The following PSMB2 variants were observed in gnomAD, a reference collection of about 807,000 sequenced individuals.
PSMB2 encodes the protein proteasome subunit beta type-2.
Under a neutral mutation model 25.7 loss-of-function variants are expected in PSMB2, and 13 were observed. The ratio of observed to expected loss-of-function variants is 0.51; its 90% confidence interval spans 0.33 to 0.80. PSMB2 has a LOEUF of 0.80. PSMB2 is among the 30% of genes least tolerant of loss of function. The probability of loss-of-function intolerance (pLI) is 0.02; values close to 1 mark genes in which losing one functional copy is unlikely to be tolerated. For missense variants in PSMB2, 202 were observed against 259.0 expected (o/e 0.78, Z 1.51); for synonymous variants, 87 against 96.2 (o/e 0.90, Z 0.56).
chr1:35,617,657 G>A (rs1650536186), intron 3 of PSMB2, among the ~76,000 whole-genome samples: 1 of 152,162 alleles, frequency 6.6e-6, no homozygotes, highest in African/African-American at 2.4e-5. Context: ...GGTAGATGTG[G>A]ATAGGAAGGA....
At chr1:35,604,441 G>A (rs1420099395) in intron 5 of PSMB2, among the ~76,000 whole-genome samples, 1 of 152,182 alleles carries the variant, frequency 6.6e-6, no homozygotes, top group Non-Finnish European at 1.5e-5. Context: ...TAAGGGAGCA[G>A]GCAGTATGGC....
rs766488172 is a variant in PSMB2 at position 35,602,912 on chromosome 1, C to G, written c.*355G>C. The G allele has an allele frequency of 4.0e-6, 4 of 1,000,806 alleles. No individual in the cohort carries two copies. The highest frequency in any genetic ancestry group is 4.8e-6 in the Non-Finnish European group (4 of 838,098). 62.0% of individuals were successfully genotyped at this position (1,000,806 alleles called of 1,614,324 possible). On this transcript the variant is annotated 3_prime_UTR_variant, in exon 6 of 6. Transcript: ENST00000373237. ...ATTTAAGTTTAAGGGCAAAAAGAAC[C>G]ACTACTTTAGAGAGAATGGAGATAC...
intron 3 of PSMB2, among the ~76,000 whole-genome samples, chr1:35,615,641 G>C (rs1372615879): frequency 6.6e-6 from 1 of 152,236 alleles, no homozygotes; most frequent in African/African-American, 2.4e-5. Flanking sequence ...AAGGGGGAGA[G>C]AGGTGGGCGT....
intron 2 of PSMB2, among the ~76,000 whole-genome samples, chr1:35,636,055 T>C (rs1004877367): frequency 3.9e-5 from 6 of 152,170 alleles, no homozygotes; most frequent in African/African-American, 1.4e-4. Context: ...TCAACATGAC[T>C]GGTATTCTTA....
At chr1:35,617,394 AC>A (rs943280066) in intron 3 of PSMB2, among the ~76,000 whole-genome samples, 10 of 152,158 alleles carry the variant, frequency 6.6e-5, no homozygotes, top group African/African-American at 2.4e-4. Context: ...TTTTAAGGAA[AC>A]CCATGTGTAG....
In PSMB2 at chr1:35,602,505, CCTT is replaced by C. The variant is rs1650031261; in HGVS notation, c.*759_*761del. The C allele has an allele frequency of 6.6e-6, 1 of 152,058 alleles. No homozygotes were observed. The highest frequency in any genetic ancestry group is 1.5e-5 in the Non-Finnish European group (1 of 68,008). The allele number at this position is 152,058 out of a possible 1,614,324, so 9.4% of individuals were successfully genotyped here. A position where few individuals can be genotyped will look rare whatever the true frequency, so the allele number is the denominator to read the frequency against. ...TTATAGGGATGGAAGAAACATTTTT[CCTT>C]CTTTTTTTGAGACGGAGTCTCACTC... On this transcript the variant is annotated 3_prime_UTR_variant, in exon 6 of 6. Coordinates refer to ENST00000373237, the MANE Select transcript of PSMB2 (RefSeq NM_002794.5).
intron 2 of PSMB2, among the ~76,000 whole-genome samples, chr1:35,634,890 C>T (rs1472145971): frequency 6.6e-6 from 1 of 151,786 alleles, no homozygotes. Context: ...TGGGCTCAAA[C>T]GATCTTCCTG....
At chr1:35,628,632 T>TATATA (rs1491503087) in intron 3 of PSMB2, among the ~76,000 whole-genome samples, 34 of 35,456 alleles carry the variant, frequency 9.6e-4, no homozygotes, top group Middle Eastern at 0.026. Flanking sequence ...TATATATATA[T>TATATA]TTTTTTTTTT....
chr1:35,619,495 G>T (rs1650612733), intron 3 of PSMB2, among the ~76,000 whole-genome samples: 1 of 152,208 alleles, frequency 6.6e-6, no homozygotes, highest in Non-Finnish European at 1.5e-5. Context: ...AGTACTGCTT[G>T]CTTGACAGAG....
chr1:35,636,536 C>A, intron 1 of PSMB2, 104 bp from the exon 2 acceptor site: 1 of 1,280,858 alleles, frequency 7.8e-7, no homozygotes, highest in Non-Finnish European at 1.0e-6. Context: ...GTTGGCCTTC[C>A]ATATACATGG....
At position 35,636,401 on chromosome 1, in the gene PSMB2, C is replaced by T; in HGVS notation, c.123G>A (p.Lys41=). Residue 41 remains lysine, a synonymous_variant, in exon 2 of 6, where the codon AAG becomes AAA. Coordinates refer to ENST00000373237, the MANE Select transcript of PSMB2 (RefSeq NM_002794.5). ...CCTCTCCAACACACAGGAGTAATATCTTTTCACTCATCTTAAACATCTTGT... is the reference window on the plus strand; with the variant it reads ...CCTCTCCAACACACAGGAGTAATATTTTTTCACTCATCTTAAACATCTTGT... ...DHDKMFKMSE[K]ILLLCVGEAG... The T allele has an allele frequency of 6.2e-7, 1 of 1,614,020 alleles. No homozygotes were observed. The highest frequency in any genetic ancestry group is 8.5e-7 in the Non-Finnish European group (1 of 1,179,928).
At chr1:35,640,102 A>G (rs1651354243) in intron 1 of PSMB2, among the ~76,000 whole-genome samples, 1 of 149,952 alleles carries the variant, frequency 6.7e-6, no homozygotes, top group African/African-American at 2.5e-5. Flanking sequence ...ATACTATACT[A>G]TCTATACTAA....
intron 3 of PSMB2, among the ~76,000 whole-genome samples, chr1:35,628,578 GAAAAA>G (rs67766222): frequency 0.025 from 829 of 32,762 alleles, 49 homozygotes; most frequent in Admixed American, 0.054. Flanking sequence ...TTTCTTGGAA[GAAAAA>G]AAAAAAAAAA....
At chr1:35,635,800 G>A (rs910103188) in intron 2 of PSMB2, among the ~76,000 whole-genome samples, 1 of 132,774 alleles carries the variant, frequency 7.5e-6, no homozygotes, top group Non-Finnish European at 1.5e-5. Flanking sequence ...TTGCACTCCA[G>A]CCTGGGCAAC....
intron 1 of PSMB2, 76 bp from the exon 2 acceptor site, chr1:35,636,508 G>T: frequency 6.7e-7 from 1 of 1,498,016 alleles, no homozygotes. Flanking sequence ...ACCATAAACA[G>T]GTTTATTAAT....
chr1:35,601,389 T>A lies in PSMB2; in HGVS notation c.*1878A>T. ...GCACCCGGCCAACCTGTGGCACTTT[T>A]AAAATAGATGCCTTACACTCAGGAA... is the stretch of plus-strand genomic sequence containing the variant. On this transcript the variant is annotated 3_prime_UTR_variant, in exon 6 of 6. Coordinates refer to ENST00000373237, the MANE Select transcript of PSMB2 (RefSeq NM_002794.5). The A allele has an allele frequency of 1.0e-6, 1 of 985,246 alleles. No homozygotes were observed. Among genetic ancestry groups the A allele is most frequent in the Non-Finnish European group, 1.2e-6 (1 of 829,898 alleles). 61.0% of individuals were successfully genotyped at this position (985,246 alleles called of 1,614,324 possible).
intron 3 of PSMB2, among the ~76,000 whole-genome samples, chr1:35,615,885 T>C (rs1412164852): frequency 1.3e-5 from 2 of 152,210 alleles, no homozygotes; most frequent in African/African-American, 4.8e-5. Flanking sequence ...ACAAATGAGT[T>C]TGTCTAGAGA....
chr1:35,621,663 C>T (rs1224541642), intron 3 of PSMB2, among the ~76,000 whole-genome samples: 2 of 151,664 alleles, frequency 1.3e-5, no homozygotes, highest in African/African-American at 4.8e-5. Context: ...CCCTTTTAGT[C>T]TTCCTTTTCA....
At chr1:35,619,454 T>C (rs77570741) in intron 3 of PSMB2, among the ~76,000 whole-genome samples, 5,872 of 152,172 alleles carry the variant, frequency 0.039, 354 homozygotes, top group African/African-American at 0.12. Flanking sequence ...CCACTTGGAG[T>C]CTTGAGTGCC....
Sources: gnomAD v4.1 joint callset for allele counts (sites outside exome capture counted in the v4.1 genomes callset) on GRCh38, gnomAD v4.1.1 for gene constraint, MANE v1.5 for transcripts, NCBI Gene and HGNC (gene_info 2026-07-23, HGNC 2026-07-21) for gene names.